Variants in ACVR1C observed in about 807,000 individuals in gnomAD.
The protein encoded by ACVR1C is activin receptor type-1C.
In ACVR1C, 23 loss-of-function variants were observed where a neutral mutation model predicts 57.9. That is an observed-to-expected ratio of 0.40 (90% CI 0.29 to 0.56). The LOEUF (loss-of-function observed/expected upper bound fraction) is 0.56. Among genes scored for constraint, ACVR1C ranks in the 20% least tolerant of loss-of-function variants. The probability of loss-of-function intolerance (pLI) is 0.50; values close to 1 mark genes in which losing one functional copy is unlikely to be tolerated. For missense variants in ACVR1C, 480 were observed against 607.9 expected (o/e 0.79, Z 2.21); for synonymous variants, 214 against 215.3 (o/e 0.99, Z 0.05).
intron 6 of ACVR1C, among the ~76,000 whole-genome samples, 169 bp from the exon 7 acceptor site, chr2:157,541,383 A>G (rs1314653083): frequency 6.6e-6 from 1 of 152,214 alleles, no homozygotes; most frequent in Non-Finnish European, 1.5e-5. Context: ...TGTGTTCAGC[A>G]TCACTCCACC....
chr2:157,537,011 T>G (rs1183600243), intron 8 of ACVR1C, among the ~76,000 whole-genome samples: 1 of 152,170 alleles, frequency 6.6e-6, no homozygotes, highest in African/African-American at 2.4e-5. Flanking sequence ...CATGCTTCTA[T>G]TGTATGGAAT....
intron 2 of ACVR1C, among the ~76,000 whole-genome samples, chr2:157,586,984 G>A (rs1017370463): frequency 6.6e-6 from 1 of 152,048 alleles, no homozygotes; most frequent in Non-Finnish European, 1.5e-5. Context: ...TTACGTTATT[G>A]TCAATGTTTT....
chr2:157,565,532 G>A (rs1327794006), intron 2 of ACVR1C, among the ~76,000 whole-genome samples: 2 of 152,242 alleles, frequency 1.3e-5, no homozygotes, highest in Non-Finnish European at 2.9e-5. Context: ...ATGTCAGAGG[G>A]GTTATCTGGG....
intron 1 of ACVR1C, among the ~76,000 whole-genome samples, chr2:157,602,991 G>A (rs1235923964): frequency 6.6e-6 from 1 of 152,150 alleles, no homozygotes; most frequent in Non-Finnish European, 1.5e-5. Flanking sequence ...GACATCTTCA[G>A]TCAGCTTTTC....
chr2:157,576,837 T>TTTC (rs1688667775), intron 2 of ACVR1C, among the ~76,000 whole-genome samples: 1 of 49,962 alleles, frequency 2.0e-5, no homozygotes, highest in Non-Finnish European at 4.1e-5. Flanking sequence ...GAAATTTTCT[T>TTTC]TTTTTTTTTT....
chr2:157,549,865 T>C (rs1279027243), intron 4 of ACVR1C, among the ~76,000 whole-genome samples: 2 of 137,092 alleles, frequency 1.5e-5, no homozygotes, highest in Non-Finnish European at 3.1e-5. Flanking sequence ...TAGCCAGGCG[T>C]AGTGGCGGGC....
Position 157,542,770 on chromosome 2 carries a change from C to G in ACVR1C, c.1036G>C (p.Val346Leu). 6.2e-7 allele frequency: 1 copy of G among 1,614,132 alleles called. No individual in the cohort carries two copies. The change falls in exon 6 of 9, where the codon GTG (valine) becomes CTG (leucine). Residue 346 changes from valine (V) to leucine (L), a missense_variant. Physicochemically the swap from Val to Leu is conservative, Grantham distance 32 (BLOSUM62 1). Transcript: ENST00000243349. The stretch of plus-strand genomic sequence containing the variant: ...GTGTTCAGTATTGAATCATGCTTCA[C>G]AGCCAACCCTAAGTCCGCTATGGCA... ...TCAIADLGLA[V>L]KHDSILNTID...
chr2:157,594,616 C>T lies in ACVR1C; in HGVS notation c.74-7199G>A, dbSNP rs562222774. Among the ~76,000 whole-genome samples the T allele has an allele frequency of 3.9e-5, 6 of 152,030 alleles. No homozygotes were observed. The East Asian group carries it at 5.8e-4, about 15-fold the overall frequency. Reference sequence around the variant, plus strand: ...CCAATATCAGCATGAAATTTGGGGGCGATGGGGGAAAAGTGATAGAGGCCT... The same window carrying T: ...CCAATATCAGCATGAAATTTGGGGGTGATGGGGGAAAAGTGATAGAGGCCT... On this transcript the variant is annotated intron_variant, in intron 1 of 8. Transcript: ENST00000243349.
intron 2 of ACVR1C, among the ~76,000 whole-genome samples, chr2:157,566,341 C>T (rs977362556): frequency 6.6e-6 from 1 of 152,148 alleles, no homozygotes; most frequent in East Asian, 1.9e-4. Context: ...TCTATGCTAG[C>T]TAGTGGGAAT....
chr2:157,593,171 C>T lies in ACVR1C; in HGVS notation c.74-5754G>A, dbSNP rs539577629. Among the ~76,000 whole-genome samples the T allele has an allele frequency of 3.0e-4, 45 of 152,216 alleles. 1 individual carries two copies. Among genetic ancestry groups the T allele is most frequent in the Admixed American group, 2.9e-3 (44 of 15,290 alleles). ...AACCAACCAGAAAATAAATATTCAT[C>T]CATATTTACATGTGATGGCTAGCAC... On this transcript the variant is annotated intron_variant, in intron 1 of 8. Transcript: ENST00000243349.
chr2:157,533,855 C>A lies in ACVR1C; in HGVS notation c.*63G>T. The A allele has an allele frequency of 7.0e-7, 1 of 1,432,220 alleles. No individual in the cohort carries two copies. The highest frequency in any genetic ancestry group is 9.2e-7 in the Non-Finnish European group (1 of 1,090,136). The allele number at this position is 1,432,220 out of a possible 1,614,324, so 88.7% of individuals were successfully genotyped here. On this transcript the variant is annotated 3_prime_UTR_variant, in exon 9 of 9. Transcript: ENST00000243349. Reference sequence around the variant, plus strand: ...ACAAAAAAAAAATGGCAAAAACATTCACATAAAGGGGAAAATGGAAAAGAA... The same window carrying A: ...ACAAAAAAAAAATGGCAAAAACATTAACATAAAGGGGAAAATGGAAAAGAA...
intron 1 of ACVR1C, among the ~76,000 whole-genome samples, chr2:157,620,155 A>G (rs1682736951): frequency 6.6e-6 from 1 of 152,102 alleles, no homozygotes; most frequent in African/African-American, 2.4e-5. Flanking sequence ...TAGGAAATAA[A>G]GATTTTCAAA....
chr2:157,587,186 C>T lies in ACVR1C; in HGVS notation c.304+1G>A. 1 of 1,605,210 alleles carries T rather than the reference C, an allele frequency of 6.2e-7. No individual in the cohort carries two copies. The highest frequency in any genetic ancestry group is 8.5e-7 in the Non-Finnish European group (1 of 1,172,074). ...GGAATGAACAAAGATAAACCCCTTACCTGTTGGAAGGTGCAGTGTTATGTT... is the reference window on the plus strand; with the variant it reads ...GGAATGAACAAAGATAAACCCCTTATCTGTTGGAAGGTGCAGTGTTATGTT... On this transcript the variant is annotated splice_donor_variant, in intron 2 of 8. Coordinates refer to ENST00000243349, the MANE Select transcript of ACVR1C (RefSeq NM_145259.3). LOFTEE classifies it high-confidence loss of function.
chr2:157,616,412 A>G (rs1682650950), intron 1 of ACVR1C, among the ~76,000 whole-genome samples: 1 of 152,058 alleles, frequency 6.6e-6, no homozygotes, highest in Non-Finnish European at 1.5e-5. Flanking sequence ...ACATTTTCTT[A>G]CACTCTCTAC....
In ACVR1C at chr2:157,554,221, A is replaced by AAGAAAGAAAGAG. The variant is rs1219042043; in HGVS notation, c.544+1871_544+1872insCTCTTTCTTTCT. The stretch of plus-strand genomic sequence containing the variant: ...GAAGAGAGAAAGAAAGAAAGAAAGA[A>AAGAAAGAAAGAG]AGAAAGAAAGAAAGAAAGAAAGAAA... On this transcript the variant is annotated intron_variant, in intron 3 of 8. Coordinates refer to ENST00000243349, the MANE Select transcript of ACVR1C (RefSeq NM_145259.3). Among the ~76,000 whole-genome samples the AAGAAAGAAAGAG allele has an allele frequency of 7.9e-4, 89 of 112,854 alleles. 3 individuals are homozygous for AAGAAAGAAAGAG. The highest frequency in any genetic ancestry group is 3.3e-3 in the African/African-American group (78 of 23,406). The allele number at this position is 112,854 out of a possible 152,430, so 74.0% of individuals were successfully genotyped here. A position where few individuals can be genotyped will look rare whatever the true frequency, so the allele number is the denominator to read the frequency against.
At chr2:157,580,790 T>C (rs1347365692) in intron 2 of ACVR1C, among the ~76,000 whole-genome samples, 2 of 152,060 alleles carry the variant, frequency 1.3e-5, no homozygotes, top group African/African-American at 4.8e-5. Context: ...GGAAATAAAA[T>C]ATGGTTCCCG....
intron 2 of ACVR1C, among the ~76,000 whole-genome samples, chr2:157,581,717 G>A (rs1688795956): frequency 6.6e-6 from 1 of 152,176 alleles, no homozygotes; most frequent in African/African-American, 2.4e-5. Context: ...TGGCTTTCAG[G>A]TGAAACTGTA....
intron 7 of ACVR1C, 100 bp from the exon 8 acceptor site, chr2:157,538,803 C>A: frequency 2.0e-6 from 2 of 992,594 alleles, no homozygotes; most frequent in Non-Finnish European, 2.7e-6. Context: ...AAGTGACACC[C>A]CAGGGAACTG....
chr2:157,536,486 G>A (rs768179342), intron 8 of ACVR1C, among the ~76,000 whole-genome samples: 5 of 152,104 alleles, frequency 3.3e-5, no homozygotes, highest in African/African-American at 1.2e-4. Flanking sequence ...ATGGAAGATA[G>A]GTAATAGTGG....
Sources: gnomAD v4.1 joint callset for allele counts (sites outside exome capture counted in the v4.1 genomes callset) on GRCh38, gnomAD v4.1.1 for gene constraint, MANE v1.5 for transcripts, NCBI Gene and HGNC (gene_info 2026-07-23, HGNC 2026-07-21) for gene names.